APBA2: variants seen among roughly 807,000 people sequenced by gnomAD.
The protein encoded by APBA2 is amyloid-beta A4 precursor protein-binding family A member 2.
In APBA2, 30 loss-of-function variants were observed where a neutral mutation model predicts 75.0. The ratio of observed to expected loss-of-function variants is 0.40; its 90% CI spans 0.30 to 0.54. APBA2 has a LOEUF of 0.54. APBA2 is among the 20% of genes least tolerant of loss of function. APBA2 has a pLI of 0.49. For synonymous variants in APBA2, 444 were observed against 409.6 expected (o/e 1.08, Z -1.01); for missense variants, 801 against 1,016.1 (o/e 0.79, Z 2.88).
chr15:29,050,157 A>G (rs1311142371), intron 3 of APBA2, among the ~76,000 whole-genome samples: 8 of 152,206 alleles, frequency 5.3e-5, no homozygotes, highest in Admixed American at 5.2e-4. Flanking sequence ...TTTTTGTACC[A>G]AGGTAAAAAG....
intron 3 of APBA2, among the ~76,000 whole-genome samples, chr15:28,997,997 T>C (rs1181246686): frequency 5.3e-5 from 8 of 152,138 alleles, no homozygotes; most frequent in Admixed American, 5.2e-4. Flanking sequence ...AAATGCCAAT[T>C]ATGCCAGAAT....
intron 2 of APBA2, among the ~76,000 whole-genome samples, chr15:28,950,583 C>T (rs916862366): frequency 2.0e-5 from 3 of 150,762 alleles, no homozygotes; most frequent in Admixed American, 6.6e-5. Flanking sequence ...GCTGAGATCA[C>T]GCCACTGCAC....
intron 1 of APBA2, among the ~76,000 whole-genome samples, chr15:28,903,172 T>G (rs2032956606): frequency 6.6e-6 from 1 of 152,228 alleles, no homozygotes; most frequent in Non-Finnish European, 1.5e-5. Flanking sequence ...CTTTATCTTA[T>G]GTTCACTAGA....
At chr15:28,893,437 T>A (rs2032266080) in intron 1 of APBA2, among the ~76,000 whole-genome samples, 1 of 152,194 alleles carries the variant, frequency 6.6e-6, no homozygotes, top group African/African-American at 2.4e-5. Context: ...ATGGACCGAT[T>A]TTGGCCGCAG....
intron 2 of APBA2, among the ~76,000 whole-genome samples, chr15:28,936,783 G>A (rs1819151097): frequency 6.6e-6 from 1 of 152,166 alleles, no homozygotes; most frequent in Admixed American, 6.5e-5. Flanking sequence ...CACAGGATGT[G>A]AGTTGGAGGC....
chr15:29,077,294 G>A (rs1207772129), intron 6 of APBA2, among the ~76,000 whole-genome samples: 1 of 152,164 alleles, frequency 6.6e-6, no homozygotes, highest in Non-Finnish European at 1.5e-5. Flanking sequence ...CTGGCACCTC[G>A]TGAGCAGGGC....
At chr15:28,942,709 G>A (rs1484742944) in intron 2 of APBA2, among the ~76,000 whole-genome samples, 1 of 152,192 alleles carries the variant, frequency 6.6e-6, no homozygotes, top group Non-Finnish European at 1.5e-5. Flanking sequence ...TCTCCAGTAA[G>A]CGACCTGGGA....
intron 3 of APBA2, among the ~76,000 whole-genome samples, chr15:29,006,292 A>G (rs540205585): frequency 9.2e-5 from 14 of 152,360 alleles, no homozygotes; most frequent in Admixed American, 7.2e-4. Flanking sequence ...TTGCATTTCT[A>G]TACACTAACA....
chr15:28,887,968 C>T (rs1405603701), intron 1 of APBA2, among the ~76,000 whole-genome samples: 1 of 152,042 alleles, frequency 6.6e-6, no homozygotes, highest in Non-Finnish European at 1.5e-5. Flanking sequence ...CTGAGTCCCA[C>T]GGGGTGTGAG....
chr15:28,958,548 T>C (rs1229836934), intron 2 of APBA2, among the ~76,000 whole-genome samples: 2 of 152,260 alleles, frequency 1.3e-5, no homozygotes. Context: ...AATCTCTTGC[T>C]GAAGAGTTCA....
intron 4 of APBA2, among the ~76,000 whole-genome samples, chr15:29,060,868 A>G (rs983210530): frequency 6.6e-6 from 1 of 152,008 alleles, no homozygotes; most frequent in Non-Finnish European, 1.5e-5. Context: ...TGGAATTAGT[A>G]TTACTACACC....
intron 2 of APBA2, among the ~76,000 whole-genome samples, chr15:28,968,417 C>G (rs1484486313): frequency 6.6e-6 from 1 of 152,180 alleles, no homozygotes; most frequent in African/African-American, 2.4e-5. Context: ...GACTTTGAGG[C>G]ATTTGACCTG....
At chr15:28,900,086 CAG>C (rs923560119) in intron 1 of APBA2, among the ~76,000 whole-genome samples, 1 of 152,138 alleles carries the variant, frequency 6.6e-6, no homozygotes, top group African/African-American at 2.4e-5. Context: ...GAGCCCCAGA[CAG>C]GGGGACTGGG....
At position 29,105,376 on chromosome 15, in the gene APBA2, C is replaced by T. The variant is rs1567018798; in HGVS notation, c.1525-3C>T. On this transcript the variant is annotated splice_region_variant and splice_polypyrimidine_tract_variant and intron_variant, in intron 10 of 14. Coordinates refer to ENST00000683413, the MANE Select transcript of APBA2 (RefSeq NM_001353788.2). ...GTCTCCAGCTGGCCTGCCCTCTGCACAGGCCCAGCTCATCGCCCAGTCTAT... is the reference window on the plus strand; with the variant it reads ...GTCTCCAGCTGGCCTGCCCTCTGCATAGGCCCAGCTCATCGCCCAGTCTAT... 15 of 1,610,080 alleles carry T rather than the reference C, an allele frequency of 9.3e-6. No individual in the cohort carries two copies. The highest frequency in any genetic ancestry group is 1.2e-5 in the Non-Finnish European group (14 of 1,179,790).
intron 4 of APBA2, among the ~76,000 whole-genome samples, chr15:29,065,555 G>A (rs1324412628): frequency 2.6e-5 from 4 of 152,110 alleles, no homozygotes; most frequent in African/African-American, 4.8e-5. Context: ...AGAAAACTAC[G>A]CACAACTCAG....
Position 29,054,047 on chromosome 15 carries a change from A to G in APBA2, c.163A>G (p.Ser55Gly). The G allele has an allele frequency of 6.2e-7, 1 of 1,613,790 alleles. No homozygotes were observed. The highest frequency in any genetic ancestry group is 8.5e-7 in the Non-Finnish European group (1 of 1,180,008). ...GLELAALRPE[S>G]PAPEEQECHN... ...GGAGCTGGCTGCCCTGCGGCCAGAGAGCCCCGCGCCAGAGGAACAGGAGTG... is the reference window on the plus strand; with the variant it reads ...GGAGCTGGCTGCCCTGCGGCCAGAGGGCCCCGCGCCAGAGGAACAGGAGTG... Residue 55 changes from serine to glycine, a missense_variant, in exon 4 of 15, where the codon AGC (serine) becomes GGC (glycine). This residue lies in a region of APBA2 where 434 missense variants were observed against 471.6 expected (regional missense o/e 0.92). Transcript: ENST00000683413. This position sits in a 1 kb window ranked among gnomAD's most constrained non-coding sequence, Gnocchi z 6.1.
chr15:28,985,766 G>T (rs1445978540), intron 2 of APBA2, among the ~76,000 whole-genome samples: 1 of 152,226 alleles, frequency 6.6e-6, no homozygotes, highest in Non-Finnish European at 1.5e-5. Context: ...GGTTGACTCT[G>T]TCTGACCAGC....
chr15:28,887,766 G>T (rs1389245166), intron 1 of APBA2, among the ~76,000 whole-genome samples: 3 of 152,322 alleles, frequency 2.0e-5, no homozygotes, highest in South Asian at 2.1e-4. Context: ...CTGTGTGCCG[G>T]CAGCCTTCCC....
chr15:28,890,346 C>T (rs1362680561), intron 1 of APBA2, among the ~76,000 whole-genome samples: 1 of 152,196 alleles, frequency 6.6e-6, no homozygotes. Flanking sequence ...CCAGGCGGTC[C>T]CTGCTGCCAA....
Sources: gnomAD v4.1 joint callset for allele counts (sites outside exome capture counted in the v4.1 genomes callset) on GRCh38, gnomAD v4.1.1 for gene constraint, gnomAD v4.1.1 regional missense constraint, Gnocchi (gnomAD v3.1) non-coding constraint, MANE v1.5 for transcripts, NCBI Gene and HGNC (gene_info 2026-07-23, HGNC 2026-07-21) for gene names.